DSCAML1: variants seen among roughly 807,000 people sequenced by gnomAD.
DSCAML1 encodes cell adhesion molecule DSCAML1.
A neutral mutation model predicts 200.5 loss-of-function variants in DSCAML1; 38 were observed. The observed-to-expected ratio is 0.19, with a 90% CI of 0.15 to 0.25. The LOEUF (loss-of-function observed/expected upper bound fraction) is 0.25, where lower values mean the gene tolerates loss of function less well. Ranked by LOEUF, DSCAML1 falls within the 10% of genes least tolerant of loss-of-function variation. DSCAML1 has a pLI of 1.00. For missense variants in DSCAML1, 2,223 were observed against 2,858.8 expected (o/e 0.78, Z 5.07); for synonymous variants, 1,215 against 1,165.0 (o/e 1.04, Z -0.87).
At chr11:117,464,534 T>TAG (rs2048540725) in intron 17 of DSCAML1, among the ~76,000 whole-genome samples, 1 of 151,994 alleles carries the variant, frequency 6.6e-6, no homozygotes, top group Non-Finnish European at 1.5e-5. Flanking sequence ...TCATCTCAGG[T>TAG]AGATGGTGGA....
chr11:117,579,235 A>C (rs991040945), intron 3 of DSCAML1, among the ~76,000 whole-genome samples: 7 of 152,140 alleles, frequency 4.6e-5, no homozygotes, highest in Non-Finnish European at 8.8e-5. Flanking sequence ...TCCTTTGAAA[A>C]GCATGTCATC....
Position 117,516,805 on chromosome 11 carries a change from C to A in DSCAML1, c.1511-66G>T. ...ATGTGCTGCTGTCAGCCAGGGACAGCCAGGCACCACCCTGCGGTGCTCTTC... is the reference window on the plus strand; with the variant it reads ...ATGTGCTGCTGTCAGCCAGGGACAGACAGGCACCACCCTGCGGTGCTCTTC... On this transcript the variant is annotated intron_variant, in intron 7 of 32. Transcript: ENST00000651296. The surrounding 1 kb of genome is among the most constrained non-coding windows in gnomAD (Gnocchi z 5.7). The A allele has an allele frequency of 6.4e-7, 1 of 1,551,830 alleles. No homozygotes were observed. The highest frequency in any genetic ancestry group is 8.7e-7 in the Non-Finnish European group (1 of 1,149,330).
intron 3 of DSCAML1, among the ~76,000 whole-genome samples, chr11:117,693,144 G>A (rs142954917): frequency 3.9e-5 from 6 of 152,144 alleles, no homozygotes; most frequent in South Asian, 2.1e-4. Context: ...GCATCTTGCC[G>A]TGGCATTTCA....
chr11:117,604,241 A>C (rs763170058), intron 3 of DSCAML1, among the ~76,000 whole-genome samples: 1 of 152,072 alleles, frequency 6.6e-6, no homozygotes, highest in Non-Finnish European at 1.5e-5. Context: ...GGTGGCATTC[A>C]TCTATTTGAT....
At chr11:117,465,392 C>T (rs482287) in intron 16 of DSCAML1, among the ~76,000 whole-genome samples, 75,300 of 152,004 alleles carry the variant, frequency 0.5, 19,492 homozygotes, top group East Asian at 0.8. Flanking sequence ...CTGTGCCCCT[C>T]GCTTCCTGCG....
rs376119779 is a variant in DSCAML1, at chr11:117,751,042, T to C, written c.511+25749A>G. 1.7e-3 allele frequency among the ~76,000 whole-genome samples: 258 copies of C among 152,150 alleles called. 1 individual carries two copies. Among genetic ancestry groups the C allele is most frequent in the African/African-American group, 5.7e-3 (237 of 41,520 alleles). On this transcript the variant is annotated intron_variant, in intron 3 of 32. Transcript: ENST00000651296. ...TGGGGGTGGCTTTCTGAGGTTTCCA[T>C]TGGGGGGCAGCCAGAGGCAGAGGGC...
intron 3 of DSCAML1, among the ~76,000 whole-genome samples, chr11:117,741,431 TGGAGCA>T (rs1355987337): frequency 4.6e-5 from 7 of 152,272 alleles, no homozygotes; most frequent in Admixed American, 1.3e-4. Context: ...GATGACTGCA[TGGAGCA>T]GATGCCCACT....
At chr11:117,756,990 T>A (rs536311631) in intron 3 of DSCAML1, among the ~76,000 whole-genome samples, 3 of 152,174 alleles carry the variant, frequency 2.0e-5, no homozygotes, top group Non-Finnish European at 4.4e-5. Context: ...TAGAAGAGGA[T>A]GGGCACTGTC....
intron 20 of DSCAML1, 105 bp from the exon 21 acceptor site, chr11:117,444,144 A>C (rs1218938196): frequency 7.6e-7 from 1 of 1,320,764 alleles, no homozygotes; most frequent in African/African-American, 1.5e-5. Flanking sequence ...GCGGGGTCGG[A>C]TGCGAGGCAG....
At chr11:117,647,840 C>T (rs1018290592) in intron 3 of DSCAML1, among the ~76,000 whole-genome samples, 1 of 152,190 alleles carries the variant, frequency 6.6e-6, no homozygotes, top group Admixed American at 6.5e-5. Context: ...GGGAACCCTT[C>T]TTGCCTTGGC....
chr11:117,486,228 AAGT>A (rs1360329084), intron 11 of DSCAML1, among the ~76,000 whole-genome samples: 6 of 148,966 alleles, frequency 4.0e-5, no homozygotes, highest in African/African-American at 1.2e-4. Context: ...GCGGATGGGA[AAGT>A]GGCGGATGGG....
chr11:117,769,491 TATATATATA>T (rs2054992247), intron 3 of DSCAML1, among the ~76,000 whole-genome samples: 8 of 83,682 alleles, frequency 9.6e-5, no homozygotes, highest in Non-Finnish European at 1.6e-4. Flanking sequence ...ATATATATTT[TATATATATA>T]ATATATATTT....
At chr11:117,632,505 C>T (rs565147423) in intron 3 of DSCAML1, among the ~76,000 whole-genome samples, 1 of 152,310 alleles carries the variant, frequency 6.6e-6, no homozygotes, top group South Asian at 2.1e-4. Flanking sequence ...CCTGGCCCCC[C>T]GCTCATCCTA....
intron 3 of DSCAML1, among the ~76,000 whole-genome samples, chr11:117,550,683 C>T (rs1355748168): frequency 6.6e-6 from 1 of 152,208 alleles, no homozygotes; most frequent in Non-Finnish European, 1.5e-5. Context: ...TTGGCATTGG[C>T]CAGCGTGGCA....
chr11:117,514,344 C>T lies in DSCAML1; in HGVS notation c.1783+2123G>A, dbSNP rs561447437. 6.6e-5 allele frequency among the ~76,000 whole-genome samples: 10 copies of T among 152,312 alleles called. No individual in the cohort carries two copies. In the East Asian group the frequency reaches 1.9e-3, roughly 29 times the overall value. ...AGAGGGAAGCCCCCAGGTGACAGGG[C>T]CCTCAGAGTTCTCAAGGACTCTTGT... On this transcript the variant is annotated intron_variant, in intron 8 of 32. Transcript: ENST00000651296.
chr11:117,486,200 T>G (rs189585400), intron 11 of DSCAML1, among the ~76,000 whole-genome samples: 52 of 152,192 alleles, frequency 3.4e-4, no homozygotes, highest in Non-Finnish European at 4.3e-4. Context: ...AAACTGGGTC[T>G]GCTGAACTCC....
intron 14 of DSCAML1, among the ~76,000 whole-genome samples, chr11:117,475,395 C>T (rs2048770114): frequency 6.6e-6 from 1 of 152,168 alleles, no homozygotes; most frequent in South Asian, 2.1e-4. Flanking sequence ...CTGACCCAGG[C>T]CCTGCAACAT....
intron 1 of DSCAML1, among the ~76,000 whole-genome samples, chr11:117,785,614 G>A (rs2055338404): frequency 6.6e-6 from 1 of 152,114 alleles, no homozygotes; most frequent in South Asian, 2.1e-4. Context: ...AGGTTTGAGG[G>A]TCCAGCAGTC....
In DSCAML1 at chr11:117,518,712, C is replaced by G. The variant is rs373188125; in HGVS notation, c.1264G>C (p.Gly422Arg). Reference sequence around the variant, plus strand: ...GCACACATCAGTGAGAACTGCTCCCCGGGGTTGACCACCTTCTCGCTGAAG... The same window carrying G: ...GCACACATCAGTGAGAACTGCTCCCGGGGGTTGACCACCTTCTCGCTGAAG... ...SSFSEKVVNP[G>R]EQFSLMCAAK... Residue 422 changes from glycine to arginine, a missense_variant, in exon 7 of 33, where the codon GGG becomes CGG. This residue lies in a region of DSCAML1 where 579 missense variants were observed against 721.5 expected (regional missense o/e 0.80). Coordinates refer to ENST00000651296, the MANE Select transcript of DSCAML1 (RefSeq NM_020693.4). The surrounding 1 kb of genome is among the most constrained non-coding windows in gnomAD (Gnocchi z 6.3). 1 of 1,613,052 alleles carries G rather than the reference C, an allele frequency of 6.2e-7. No individual in the cohort carries two copies.
Sources: gnomAD v4.1 joint callset for allele counts (sites outside exome capture counted in the v4.1 genomes callset) on GRCh38, gnomAD v4.1.1 for gene constraint, gnomAD v4.1.1 regional missense constraint, Gnocchi (gnomAD v3.1) non-coding constraint, MANE v1.5 for transcripts, NCBI Gene and HGNC (gene_info 2026-07-23, HGNC 2026-07-21) for gene names.